SGCZ: variants seen among roughly 807,000 people sequenced by gnomAD.
SGCZ encodes the protein sarcoglycan zeta, also known as zeta-sarcoglycan.
A neutral mutation model predicts 41.3 loss-of-function variants in SGCZ; 40 were observed. That is an observed-to-expected ratio of 0.97 (90% CI 0.75 to 1.26). The LOEUF is 1.26. SGCZ is among the 50% of genes most tolerant of loss of function. SGCZ has a pLI of 0.00. For missense variants in SGCZ, 552 were observed against 369.8 expected (o/e 1.49, Z -4.04); for synonymous variants, 206 against 137.5 (o/e 1.50, Z -3.49).
rs562581509 is a variant in SGCZ at position 14,694,997 on chromosome 8, C to T, written c.40-140071G>A. 1.1e-3 allele frequency among the ~76,000 whole-genome samples: 163 copies of T among 152,114 alleles called. 2 individuals are homozygous for T. The highest frequency in any genetic ancestry group is 3.7e-3 in the African/African-American group (152 of 41,506). On this transcript the variant is annotated intron_variant, in intron 1 of 7. Transcript: ENST00000382080. The stretch of plus-strand genomic sequence containing the variant: ...AGGTGTCTTATTATCCACATTTGCA[C>T]GGAATATGACAAGGGATAAAAGAGC...
Position 14,563,434 on chromosome 8 carries a change from A to C in SGCZ, c.40-8508T>G, listed in dbSNP as rs537366726. ...GACAGAAAGAAAAAAGTCGTTAAGGAAATGTACAATGCCTAAGACAATTCG... is the reference window on the plus strand; with the variant it reads ...GACAGAAAGAAAAAAGTCGTTAAGGCAATGTACAATGCCTAAGACAATTCG... On this transcript the variant is annotated intron_variant, in intron 1 of 7. Coordinates refer to ENST00000382080, the MANE Select transcript of SGCZ (RefSeq NM_139167.4). Among the ~76,000 whole-genome samples, 6 of 152,326 alleles carry C rather than the reference A, an allele frequency of 3.9e-5. No homozygotes were observed. In the South Asian group the frequency reaches 1.2e-3, roughly 32 times the overall value.
At chr8:14,433,007 GA>G (rs898450883) in intron 2 of SGCZ, among the ~76,000 whole-genome samples, 16 of 125,576 alleles carry the variant, frequency 1.3e-4, no homozygotes, top group Middle Eastern at 4.5e-3. Flanking sequence ...CAAAACTAAA[GA>G]AAAAAAACAT....
intron 1 of SGCZ, among the ~76,000 whole-genome samples, chr8:14,912,010 T>C (rs112796515): frequency 2.0e-5 from 3 of 152,064 alleles, no homozygotes; most frequent in Admixed American, 6.6e-5. Flanking sequence ...TTTGTCCCTA[T>C]ATTCAAGGTG....
chr8:14,606,677 A>G (rs1367902013), intron 1 of SGCZ, among the ~76,000 whole-genome samples: 3 of 152,202 alleles, frequency 2.0e-5, no homozygotes, highest in Non-Finnish European at 4.4e-5. Flanking sequence ...TCTGAAATGA[A>G]AAGTCCACAG....
intron 1 of SGCZ, among the ~76,000 whole-genome samples, chr8:15,085,871 C>A (rs191100470): frequency 1.3e-5 from 2 of 152,270 alleles, no homozygotes; most frequent in Admixed American, 6.5e-5. Flanking sequence ...ATATTTCTCC[C>A]ACCTATCATC....
At chr8:15,022,763 T>A (rs1803303902) in intron 1 of SGCZ, among the ~76,000 whole-genome samples, 1 of 152,246 alleles carries the variant, frequency 6.6e-6, no homozygotes, top group African/African-American at 2.4e-5. Flanking sequence ...AACTTTCATA[T>A]TCAATGTAGC....
At chr8:14,330,325 T>A (rs529060381) in intron 2 of SGCZ, among the ~76,000 whole-genome samples, 1 of 152,080 alleles carries the variant, frequency 6.6e-6, no homozygotes, top group Non-Finnish European at 1.5e-5. Context: ...TTTACCTCTT[T>A]ACTTAAATAA....
chr8:14,264,019 T>A (rs1004341376), intron 3 of SGCZ, among the ~76,000 whole-genome samples: 14 of 152,208 alleles, frequency 9.2e-5, no homozygotes, highest in Admixed American at 6.5e-4. Context: ...CACCTGGACT[T>A]GCCTCAGCTC....
At chr8:14,288,314 G>A (rs1800712105) in intron 3 of SGCZ, among the ~76,000 whole-genome samples, 1 of 152,026 alleles carries the variant, frequency 6.6e-6, no homozygotes, top group African/African-American at 2.4e-5. Flanking sequence ...TAATTTTAAA[G>A]TGTACAATTA....
intron 2 of SGCZ, among the ~76,000 whole-genome samples, chr8:14,497,699 C>T (rs547176924): frequency 6.6e-6 from 1 of 152,160 alleles, no homozygotes; most frequent in African/African-American, 2.4e-5. Context: ...AAAGACTGGA[C>T]ATTCCTGTGC....
intron 1 of SGCZ, among the ~76,000 whole-genome samples, chr8:15,100,540 G>C (rs1806567357): frequency 1.3e-5 from 2 of 152,150 alleles, no homozygotes; most frequent in South Asian, 2.1e-4. Context: ...TTTATCTGTA[G>C]ATTCAACACA....
At chr8:14,372,852 G>T (rs1297447033) in intron 2 of SGCZ, among the ~76,000 whole-genome samples, 1 of 152,140 alleles carries the variant, frequency 6.6e-6, no homozygotes, top group African/African-American at 2.4e-5. Flanking sequence ...GTGTTGTAGA[G>T]AAGCAGTAGC....
At chr8:14,432,741 CTA>C (rs1329718883) in intron 2 of SGCZ, among the ~76,000 whole-genome samples, 2 of 152,052 alleles carry the variant, frequency 1.3e-5, no homozygotes, top group Non-Finnish European at 2.9e-5. Flanking sequence ...TGGTGAAACT[CTA>C]TTTCTGCTAA....
intron 1 of SGCZ, among the ~76,000 whole-genome samples, chr8:15,127,242 A>C (rs955053128): frequency 1.1e-4 from 2 of 17,756 alleles, no homozygotes; most frequent in Non-Finnish European, 6.0e-4. Flanking sequence ...GCACACACAC[A>C]CACACACACA....
intron 1 of SGCZ, among the ~76,000 whole-genome samples, chr8:15,075,691 C>CAT (rs1207438537): frequency 2.0e-5 from 3 of 152,100 alleles, no homozygotes; most frequent in Non-Finnish European, 4.4e-5. Context: ...CAGGCACTAA[C>CAT]ATAAGCTACT....
At position 14,102,357 on chromosome 8, in the gene SGCZ, C is replaced by G; in HGVS notation, c.744+19G>C. The stretch of plus-strand genomic sequence containing the variant: ...AAAGTGGGCAGTATAGGGCGAGGGT[C>G]CAACTTTCTGGGACTCACCTCCCCT... On this transcript the variant is annotated intron_variant, in intron 7 of 7. Coordinates refer to ENST00000382080, the MANE Select transcript of SGCZ (RefSeq NM_139167.4). 6.8e-7 allele frequency: 1 copy of G among 1,459,892 alleles called. No homozygotes were observed. Among genetic ancestry groups the G allele is most frequent in the Non-Finnish European group, 9.2e-7 (1 of 1,089,110 alleles). The allele number at this position is 1,459,892 out of a possible 1,614,324, so 90.4% of individuals were successfully genotyped here.
intron 1 of SGCZ, among the ~76,000 whole-genome samples, chr8:14,804,521 G>A (rs1160531671): frequency 1.7e-5 from 2 of 117,784 alleles, no homozygotes; most frequent in Non-Finnish European, 3.6e-5. Context: ...AGAAGGGAAG[G>A]TTAGAGAAAA....
At chr8:15,008,412 C>T (rs948054455) in intron 1 of SGCZ, among the ~76,000 whole-genome samples, 1 of 150,910 alleles carries the variant, frequency 6.6e-6, no homozygotes. Flanking sequence ...GATATAACCA[C>T]AATTAGGAAA....
At chr8:14,630,519 T>C (rs904245895) in intron 1 of SGCZ, among the ~76,000 whole-genome samples, 2 of 152,024 alleles carry the variant, frequency 1.3e-5, no homozygotes, top group Non-Finnish European at 2.9e-5. Context: ...ATCCCATTAC[T>C]GGGTATACAC....
Sources: gnomAD v4.1 joint callset for allele counts (sites outside exome capture counted in the v4.1 genomes callset) on GRCh38, gnomAD v4.1.1 for gene constraint, MANE v1.5 for transcripts, NCBI Gene and HGNC (gene_info 2026-07-23, HGNC 2026-07-21) for gene names.